Variants in SUN3 observed in about 807,000 individuals in gnomAD.
SUN3 encodes Sad1 and UNC84 domain containing 3.
A neutral mutation model predicts 48.2 loss-of-function variants in SUN3; 36 were observed. The observed-to-expected ratio is 0.75, with a 90% CI of 0.57 to 0.99. The LOEUF is 0.99. SUN3 is among the 50% of genes least tolerant of loss of function. The pLI, the probability that SUN3 is intolerant of heterozygous loss-of-function variation, is 0.00. For missense variants in SUN3, 419 were observed against 433.1 expected (o/e 0.97, Z 0.29); for synonymous variants, 148 against 147.9 (o/e 1.00, Z 0.00).
intron 2 of SUN3, among the ~76,000 whole-genome samples, chr7:48,020,755 C>G (rs1463178717): frequency 6.6e-6 from 1 of 151,932 alleles, no homozygotes; most frequent in Non-Finnish European, 1.5e-5. Flanking sequence ...ACAACGAAAA[C>G]TATAAAACAT....
chr7:47,997,645 T>C (rs1789249614), intron 6 of SUN3, among the ~76,000 whole-genome samples: 1 of 152,218 alleles, frequency 6.6e-6, no homozygotes, highest in Non-Finnish European at 1.5e-5. Flanking sequence ...ATTATATTCT[T>C]AGAGTTGCAC....
At chr7:47,994,902 T>C (rs375114500) in intron 7 of SUN3, among the ~76,000 whole-genome samples, 18 of 151,942 alleles carry the variant, frequency 1.2e-4, no homozygotes, top group African/African-American at 4.1e-4. Context: ...ATGGCAATGG[T>C]ATCACCTAAA....
intron 1 of SUN3, 120 bp from the exon 2 acceptor site, chr7:48,026,058 G>T: frequency 3.0e-6 from 2 of 671,026 alleles, no homozygotes; most frequent in Non-Finnish European, 5.2e-6. Flanking sequence ...CTTAATCTAG[G>T]TTGAGTCTAT....
intron 3 of SUN3, among the ~76,000 whole-genome samples, chr7:48,015,263 G>T (rs1014910532): frequency 3.3e-5 from 5 of 152,204 alleles, no homozygotes; most frequent in African/African-American, 1.2e-4. Flanking sequence ...ACCTCGTGGA[G>T]TAGGAGCTAT....
chr7:47,996,512 C>T (rs1439038326), intron 6 of SUN3, among the ~76,000 whole-genome samples: 1 of 152,108 alleles, frequency 6.6e-6, no homozygotes, highest in African/African-American at 2.4e-5. Flanking sequence ...TTCCCATTCA[C>T]TCAATAACAA....
At chr7:48,031,541 A>G (rs1315763201), upstream of SUN3, among the ~76,000 whole-genome samples, 1 of 152,228 alleles carries the variant, frequency 6.6e-6, no homozygotes, top group Non-Finnish European at 1.5e-5. Context: ...ACAAAAATAT[A>G]TAAAGATAAG....
intron 3 of SUN3, among the ~76,000 whole-genome samples, chr7:48,010,667 G>A (rs1166374665): frequency 6.6e-6 from 1 of 152,160 alleles, no homozygotes; most frequent in Non-Finnish European, 1.5e-5. Flanking sequence ...AGGTTGGGAA[G>A]CAGACACCTC....
At chr7:48,009,134 T>G in intron 3 of SUN3, 59 bp from the exon 4 acceptor site, 1 of 1,530,788 alleles carries the variant, frequency 6.5e-7, no homozygotes, top group South Asian at 1.2e-5. Flanking sequence ...ATAGAGTCTT[T>G]TTTTTTTCTC....
At chr7:48,017,064 A>G (rs1018564746) in intron 3 of SUN3, among the ~76,000 whole-genome samples, 198 bp downstream of exon 3, 1 of 152,246 alleles carries the variant, frequency 6.6e-6, no homozygotes, top group African/African-American at 2.4e-5. Flanking sequence ...ACACTGTTAC[A>G]ATGGCAATTA....
In SUN3 at chr7:47,994,416, C is replaced by T. The variant is rs772821222; in HGVS notation, c.760G>A (p.Ala254Thr). 6.2e-7 allele frequency: 1 copy of T among 1,613,088 alleles called. No homozygotes were observed. The highest frequency in any genetic ancestry group is 1.1e-5 in the South Asian group (1 of 90,852). Residue 254 changes from alanine (A) to threonine (T), a missense_variant, in exon 8 of 10, where the codon GCT (alanine) becomes ACT (threonine). Transcript: ENST00000297325. ...ACAGCAGTTGGTATGATCTTTGTAG[C>T]AAGCTTGATTAGGGTATGACCCTGG... is the stretch of plus-strand genomic sequence containing the variant. ...GSQGHTLIKL[A>T]TKIIPTAVTM...
rs1215894634 is a variant in SUN3, at chr7:48,009,042, G to A, written c.322C>T (p.Leu108Phe). Residue 108 changes from leucine (L) to phenylalanine (F), a missense_variant, in exon 4 of 10, where the codon CTT becomes TTT. Transcript: ENST00000297325. ...GCAAAAGATCGCACTCACTTTAAAA[G>A]TTCCAGTTGCTCTTTAGGCATACGA... ...RLRMPKEQLE[L>F]LKKESQNLEN... 2 of 1,612,170 alleles carry A rather than the reference G, an allele frequency of 1.2e-6. No individual in the cohort carries two copies. The highest frequency in any genetic ancestry group is 1.7e-6 in the Non-Finnish European group (2 of 1,179,304).
chr7:48,024,859 G>T (rs949659083), intron 2 of SUN3, among the ~76,000 whole-genome samples: 3 of 152,172 alleles, frequency 2.0e-5, no homozygotes, highest in African/African-American at 7.2e-5. Flanking sequence ...GATTCATGAG[G>T]AATCTGTCCT....
intron 2 of SUN3, among the ~76,000 whole-genome samples, chr7:48,020,788 A>G (rs906102304): frequency 1.3e-5 from 2 of 152,102 alleles, no homozygotes; most frequent in Non-Finnish European, 2.9e-5. Flanking sequence ...TTGAAGGAGA[A>G]ACAAAAAGTA....
chr7:48,028,739 A>C, intron 1 of SUN3, 78 bp downstream of exon 1: 1 of 1,557,802 alleles, frequency 6.4e-7, no homozygotes, highest in East Asian at 2.3e-5. Context: ...AACAGGTAAC[A>C]GATGAACAGA....
chr7:47,987,226 C>A lies in SUN3; in HGVS notation c.*104G>T. 7.9e-7 allele frequency: 1 copy of A among 1,272,112 alleles called. No individual in the cohort carries two copies. 78.8% of individuals were successfully genotyped at this position (1,272,112 alleles called of 1,614,324 possible). ...CAAGTATGAACCACTTTGAGGTTTTCTTCCCACTCCCAATTCTCAATTCCT... is the reference window on the plus strand; with the variant it reads ...CAAGTATGAACCACTTTGAGGTTTTATTCCCACTCCCAATTCTCAATTCCT... On this transcript the variant is annotated 3_prime_UTR_variant, in exon 10 of 10. Transcript: ENST00000297325.
intron 3 of SUN3, among the ~76,000 whole-genome samples, chr7:48,016,284 A>G (rs930137201): frequency 2.0e-5 from 3 of 151,794 alleles, no homozygotes; most frequent in African/African-American, 7.3e-5. Flanking sequence ...ATCTTTAAAA[A>G]CTCTGATCCT....
intron 9 of SUN3, among the ~76,000 whole-genome samples, chr7:47,987,989 C>T (rs1186546745): frequency 1.3e-5 from 2 of 152,150 alleles, no homozygotes; most frequent in African/African-American, 4.8e-5. Flanking sequence ...TGTTTCCCCC[C>T]TCTACACTCC....
the SUN3 span, chr7:48,035,688 C>A: frequency 1.6e-6 from 1 of 617,304 alleles, no homozygotes. The surrounding 1 kb of genome is among the most constrained non-coding windows in gnomAD (Gnocchi z 4.0). Context: ...CGGGCCTTGT[C>A]CACTGTGCGG....
chr7:48,034,111 G>A (rs1016286284), upstream of SUN3, among the ~76,000 whole-genome samples: 1 of 152,192 alleles, frequency 6.6e-6, no homozygotes, highest in Non-Finnish European at 1.5e-5. Flanking sequence ...GCTAGAGGAT[G>A]CTGTGACTTG....
Sources: gnomAD v4.1 joint callset for allele counts (sites outside exome capture counted in the v4.1 genomes callset) on GRCh38, gnomAD v4.1.1 for gene constraint, Gnocchi (gnomAD v3.1) non-coding constraint, MANE v1.5 for transcripts, NCBI Gene and HGNC (gene_info 2026-07-23, HGNC 2026-07-21) for gene names.